LRBA: variants seen among roughly 807,000 people sequenced by gnomAD.
LRBA encodes lipopolysaccharide-responsive and beige-like anchor protein.
LRBA carries 176 observed loss-of-function variants against 330.0 expected under a neutral mutation model. The ratio of observed to expected loss-of-function variants is 0.53; its 90% CI spans 0.47 to 0.60. LRBA has a LOEUF of 0.60. Among genes scored for constraint, LRBA ranks in the 20% least tolerant of loss-of-function variants. LRBA has a pLI of 0.00. For synonymous variants in LRBA, 1,230 were observed against 1,193.0 expected (o/e 1.03, Z -0.64); for missense variants, 3,259 against 3,444.8 (o/e 0.95, Z 1.35).
intron 38 of LRBA, among the ~76,000 whole-genome samples, chr4:150,597,269 G>A (rs889239484): frequency 2.0e-5 from 3 of 151,650 alleles, no homozygotes; most frequent in African/African-American, 7.3e-5. Flanking sequence ...CAGATGCTTA[G>A]CATTAAAAAA....
chr4:150,817,212 G>A lies in LRBA; in HGVS notation c.5217C>T (p.Thr1739=). The part of the protein sequence containing the change: ...AAKKSAVSPS[T]FNTSIPTNAV... ...CATTGGTAGGTATGCTTGTATTAAAGGTGGAAGGTGAGACTGCTGACTTTT... is the reference window on the plus strand; with the variant it reads ...CATTGGTAGGTATGCTTGTATTAAAAGTGGAAGGTGAGACTGCTGACTTTT... Residue 1739 remains threonine (T), a synonymous_variant, in exon 31 of 57, where the codon ACC becomes ACT. Coordinates refer to ENST00000651943, the MANE Select transcript of LRBA (RefSeq NM_001364905.1). 1 of 1,612,270 alleles carries A rather than the reference G, an allele frequency of 6.2e-7. No individual in the cohort carries two copies.
intron 2 of LRBA, among the ~76,000 whole-genome samples, chr4:151,000,016 T>C (rs1743155235): frequency 6.6e-6 from 1 of 152,212 alleles, no homozygotes; most frequent in African/African-American, 2.4e-5. Flanking sequence ...TAAAGTTTAA[T>C]TTATAAATTA....
At chr4:150,501,807 A>G (rs1188263016) in intron 40 of LRBA, among the ~76,000 whole-genome samples, 1 of 152,188 alleles carries the variant, frequency 6.6e-6, no homozygotes, top group Non-Finnish European at 1.5e-5. Context: ...AATATGCAAA[A>G]TGAACATAAT....
chr4:150,729,811 A>T (rs1300037445), intron 36 of LRBA, among the ~76,000 whole-genome samples: 1 of 152,142 alleles, frequency 6.6e-6, no homozygotes, highest in Non-Finnish European at 1.5e-5. Flanking sequence ...AAACCAATGG[A>T]ACAAAAAGAG....
intron 46 of LRBA, among the ~76,000 whole-genome samples, chr4:150,421,708 T>G (rs1284157659): frequency 1.3e-5 from 2 of 151,936 alleles, no homozygotes; most frequent in Non-Finnish European, 2.9e-5. Context: ...TACATTGACT[T>G]AAGGAGTAAA....
At chr4:150,713,899 T>C (rs910067915) in intron 36 of LRBA, among the ~76,000 whole-genome samples, 4 of 152,154 alleles carry the variant, frequency 2.6e-5, no homozygotes, top group Non-Finnish European at 5.9e-5. Context: ...TGGGTAAATA[T>C]GAAATAAACT....
At chr4:150,527,930 T>C (rs1763645037) in intron 40 of LRBA, among the ~76,000 whole-genome samples, 1 of 152,218 alleles carries the variant, frequency 6.6e-6, no homozygotes, top group African/African-American at 2.4e-5. Flanking sequence ...TACTATCACA[T>C]TTCTTGAAAT....
At chr4:150,954,345 A>T (rs1484608712) in intron 2 of LRBA, among the ~76,000 whole-genome samples, 1 of 152,214 alleles carries the variant, frequency 6.6e-6, no homozygotes, top group Non-Finnish European at 1.5e-5. Context: ...TGTGGGGAAA[A>T]GAAAGAGGGA....
At chr4:150,326,019 G>A in intron 48 of LRBA, 121 bp from the exon 49 acceptor site, 1 of 678,324 alleles carries the variant, frequency 1.5e-6, no homozygotes, top group Non-Finnish European at 2.7e-6. Context: ...AAATCAACCT[G>A]TGTTTTCACA....
At position 150,417,658 on chromosome 4, in the gene LRBA, T is replaced by C. The variant is rs890377040; in HGVS notation, c.7042-2068A>G. On this transcript the variant is annotated intron_variant, in intron 46 of 56. Coordinates refer to ENST00000651943, the MANE Select transcript of LRBA (RefSeq NM_001364905.1). ...AATTCTCCTAGATTCAAAGCAATAA[T>C]TATAATGGATGAATTTTAAGTGCTA... Among the ~76,000 whole-genome samples the C allele has an allele frequency of 5.6e-4, 85 of 152,292 alleles. 2 individuals carry two copies. Among genetic ancestry groups the C allele is most frequent in the Admixed American group, 4.6e-4 (7 of 15,290 alleles).
intron 36 of LRBA, among the ~76,000 whole-genome samples, chr4:150,717,825 T>C (rs1728441101): frequency 6.6e-6 from 1 of 151,850 alleles, no homozygotes; most frequent in South Asian, 2.1e-4. Context: ...TTCTACAGTA[T>C]GTTAGATAAA....
intron 37 of LRBA, among the ~76,000 whole-genome samples, chr4:150,639,924 T>TCTGCTCA (rs1778506671): frequency 7.1e-6 from 1 of 140,882 alleles, no homozygotes; most frequent in African/African-American, 2.7e-5. Context: ...TGGTATGATC[T>TCTGCTCA]CTGCTCACTG....
chr4:150,557,133 G>A (rs1767427024), intron 40 of LRBA, among the ~76,000 whole-genome samples: 1 of 152,090 alleles, frequency 6.6e-6, no homozygotes, highest in Non-Finnish European at 1.5e-5. Flanking sequence ...CAGAAAGTCA[G>A]AAAGTGCTCA....
At chr4:150,444,110 C>T (rs1012029617) in intron 44 of LRBA, among the ~76,000 whole-genome samples, 2 of 151,550 alleles carry the variant, frequency 1.3e-5, no homozygotes, top group Non-Finnish European at 2.9e-5. Context: ...TTTTAAAAAG[C>T]GTATTTTATC....
In LRBA at chr4:150,851,920, C is replaced by T. The variant is rs1578996752; in HGVS notation, c.3790G>A (p.Val1264Met). 1 of 1,613,814 alleles carries T rather than the reference C, an allele frequency of 6.2e-7. No individual in the cohort carries two copies. The change falls in exon 23 of 57, where the codon GTG becomes ATG. Residue 1264 changes from valine (V) to methionine (M), a missense_variant. Coordinates refer to ENST00000651943, the MANE Select transcript of LRBA (RefSeq NM_001364905.1). The stretch of plus-strand genomic sequence containing the variant: ...TGTCGATGAGGTTGAGGTGCTTCCA[C>T]GTTGGGACTGGCCTTCAACTCCAGC... Reference protein sequence around the residue: ...ERLELKASPNVEAPQPHRHVL... With the variant: ...ERLELKASPNMEAPQPHRHVL...
chr4:150,274,755 A>G (rs1232393277), intron 56 of LRBA, among the ~76,000 whole-genome samples: 1 of 152,206 alleles, frequency 6.6e-6, no homozygotes, highest in Non-Finnish European at 1.5e-5. Flanking sequence ...GAAGAAGTCA[A>G]ATCCCTGAAT....
intron 37 of LRBA, among the ~76,000 whole-genome samples, chr4:150,622,720 AC>A (rs1422185996): frequency 5.5e-5 from 6 of 108,914 alleles, no homozygotes; most frequent in African/African-American, 9.2e-5. Flanking sequence ...TTTTTTTGAG[AC>A]GGAGTCTTGC....
intron 48 of LRBA, among the ~76,000 whole-genome samples, chr4:150,342,154 C>T (rs1162551075): frequency 2.6e-5 from 4 of 151,516 alleles, no homozygotes; most frequent in African/African-American, 9.7e-5. Flanking sequence ...TTTCTTCTTT[C>T]CTTGGGTTTT....
At chr4:150,423,310 T>C (rs898398428) in intron 46 of LRBA, 30 of 762,580 alleles carry the variant, frequency 3.9e-5, no homozygotes, top group Non-Finnish European at 6.8e-5. Context: ...CTAATCATCC[T>C]CTCCCTGGGG....
Sources: allele counts gnomAD v4.1 joint callset (sites outside exome capture counted in the v4.1 genomes callset), GRCh38; gene constraint gnomAD v4.1.1; transcripts MANE v1.5; gene names NCBI Gene and HGNC (gene_info 2026-07-23, HGNC 2026-07-21).